GPC6: variants seen among roughly 807,000 people sequenced by gnomAD.
GPC6 encodes the protein glypican 6.
In GPC6, 14 loss-of-function variants were observed where a neutral mutation model predicts 55.2. The observed-to-expected ratio is 0.25, with a 90% confidence interval of 0.17 to 0.40. The LOEUF (loss-of-function observed/expected upper bound fraction) is 0.40, where lower values mean the gene tolerates loss of function less well. Ranked by LOEUF, GPC6 falls within the 10% of genes least tolerant of loss-of-function variation. GPC6 has a pLI of 1.00. For missense variants in GPC6, 641 were observed against 708.5 expected (o/e 0.90, Z 1.08); for synonymous variants, 278 against 259.6 (o/e 1.07, Z -0.68).
chr13:93,916,310 A>G (rs1043138350), intron 3 of GPC6, among the ~76,000 whole-genome samples: 1 of 152,162 alleles, frequency 6.6e-6, no homozygotes, highest in Non-Finnish European at 1.5e-5. Flanking sequence ...ACTGTTTGTT[A>G]CAGGCATAAA....
rs74590273 is a variant in GPC6, at chr13:93,591,912, T to C, written c.319+46491T>C. Among the ~76,000 whole-genome samples the C allele has an allele frequency of 1.9e-3, 294 of 152,314 alleles. 5 individuals are homozygous for C. The East Asian group carries it at 0.032, about 17-fold the overall frequency. On this transcript the variant is annotated intron_variant, in intron 2 of 8. Coordinates refer to ENST00000377047, the MANE Select transcript of GPC6 (RefSeq NM_005708.5). The stretch of plus-strand genomic sequence containing the variant: ...TTGAGGACTAAATATGGGCCAATTA[T>C]TTCATATTGTATTTTGGGTTGAGTT...
chr13:93,859,258 C>A (rs554763879), intron 3 of GPC6, among the ~76,000 whole-genome samples: 2 of 151,524 alleles, frequency 1.3e-5, no homozygotes, highest in African/African-American at 2.4e-5. Context: ...AATGTATCCA[C>A]GTACCATTTT....
At chr13:94,262,675 A>G (rs1441544193) in intron 4 of GPC6, among the ~76,000 whole-genome samples, 10 of 89,066 alleles carry the variant, frequency 1.1e-4, no homozygotes, top group Admixed American at 3.4e-4. Flanking sequence ...TCCGTCTCAG[A>G]AAAAAAAAAA....
intron 6 of GPC6, among the ~76,000 whole-genome samples, chr13:94,359,685 G>A (rs1878965946): frequency 6.6e-6 from 1 of 151,432 alleles, no homozygotes; most frequent in African/African-American, 2.4e-5. Flanking sequence ...AAGAGATAAA[G>A]GCTATTTTCT....
rs115767370 is a variant in GPC6, at chr13:94,243,792, A to G, written c.878-42557A>G. ...TTTTGGTTCATCATTTATCCTGTGC[A>G]GACAGATAGCTGCTAGTCTACCTCA... On this transcript the variant is annotated intron_variant, in intron 4 of 8. Transcript: ENST00000377047. Among the ~76,000 whole-genome samples, 485 of 152,270 alleles carry G rather than the reference A, an allele frequency of 3.2e-3. 2 individuals are homozygous for G. The highest frequency in any genetic ancestry group is 0.011 in the African/African-American group (459 of 41,564).
chr13:93,283,954 C>G (rs1415751980), intron 1 of GPC6, among the ~76,000 whole-genome samples: 1 of 152,114 alleles, frequency 6.6e-6, no homozygotes, highest in Non-Finnish European at 1.5e-5. Flanking sequence ...TTGGAAAACT[C>G]ACAAAGTGGA....
intron 3 of GPC6, among the ~76,000 whole-genome samples, chr13:94,016,978 G>A (rs1485130572): frequency 6.6e-6 from 1 of 152,012 alleles, no homozygotes; most frequent in Non-Finnish European, 1.5e-5. Context: ...GGGATTACAG[G>A]TGCCCGCCAC....
At chr13:93,846,379 A>G (rs931516081) in intron 3 of GPC6, among the ~76,000 whole-genome samples, 2 of 152,220 alleles carry the variant, frequency 1.3e-5, no homozygotes, top group African/African-American at 4.8e-5. Context: ...GCAGAATGAC[A>G]CAGAGCCTAT....
intron 3 of GPC6, among the ~76,000 whole-genome samples, chr13:93,965,996 A>G (rs1880023256): frequency 1.3e-5 from 2 of 152,168 alleles, no homozygotes; most frequent in Admixed American, 6.5e-5. Flanking sequence ...ATCTCCTGCC[A>G]TGACCACAGG....
intron 1 of GPC6, among the ~76,000 whole-genome samples, chr13:93,384,579 A>C (rs1875320709): frequency 6.6e-6 from 1 of 152,220 alleles, no homozygotes; most frequent in Non-Finnish European, 1.5e-5. Context: ...AAAGTAATGC[A>C]CTAGAAGAAA....
chr13:93,407,869 C>T (rs2030944037), intron 1 of GPC6, among the ~76,000 whole-genome samples: 1 of 152,148 alleles, frequency 6.6e-6, no homozygotes, highest in Non-Finnish European at 1.5e-5. Context: ...AATTTCCTAA[C>T]TGCAAAGGGT....
At chr13:93,950,353 G>T (rs1444661900) in intron 3 of GPC6, among the ~76,000 whole-genome samples, 1 of 152,068 alleles carries the variant, frequency 6.6e-6, no homozygotes, top group Non-Finnish European at 1.5e-5. Flanking sequence ...TTAGGAGAAA[G>T]GGTACCTATT....
At chr13:93,256,789 A>G (rs9584096) in intron 1 of GPC6, among the ~76,000 whole-genome samples, 2,040 of 152,228 alleles carry the variant, frequency 0.013, 51 homozygotes, top group African/African-American at 0.047. Flanking sequence ...CTTGGCCCTC[A>G]AGGAGCTTAC....
intron 6 of GPC6, among the ~76,000 whole-genome samples, chr13:94,370,208 A>C (rs182482673): frequency 9.2e-4 from 140 of 152,366 alleles, no homozygotes; most frequent in African/African-American, 3.2e-3. Flanking sequence ...GGTGAAACTT[A>C]TTAATTATTC....
intron 1 of GPC6, among the ~76,000 whole-genome samples, chr13:93,324,900 T>G (rs1879599148): frequency 6.6e-6 from 1 of 152,046 alleles, no homozygotes; most frequent in Non-Finnish European, 1.5e-5. Context: ...TTTATGCTGT[T>G]TTTAGGCCCC....
At chr13:93,670,631 A>G (rs1232424809) in intron 2 of GPC6, among the ~76,000 whole-genome samples, 1 of 152,212 alleles carries the variant, frequency 6.6e-6, no homozygotes, top group African/African-American at 2.4e-5. Flanking sequence ...AATAATCAGT[A>G]TGAAAGCAAT....
intron 4 of GPC6, among the ~76,000 whole-genome samples, chr13:94,042,703 GT>G (rs1883583981): frequency 6.6e-6 from 1 of 151,802 alleles, no homozygotes; most frequent in Non-Finnish European, 1.5e-5. Context: ...TTGGTGATAT[GT>G]TTTTTAGGGA....
At chr13:93,844,280 A>T (rs1379930733) in intron 3 of GPC6, among the ~76,000 whole-genome samples, 1 of 152,116 alleles carries the variant, frequency 6.6e-6, no homozygotes, top group African/African-American at 2.4e-5. Context: ...CTGGGACTAC[A>T]GGCATGCACC....
At chr13:94,259,968 T>C (rs1482308274) in intron 4 of GPC6, among the ~76,000 whole-genome samples, 1 of 152,186 alleles carries the variant, frequency 6.6e-6, no homozygotes, top group Non-Finnish European at 1.5e-5. Context: ...GTGTTCTACT[T>C]TTTGGCTATT....
Sources: gnomAD v4.1 joint callset for allele counts (sites outside exome capture counted in the v4.1 genomes callset) on GRCh38, gnomAD v4.1.1 for gene constraint, MANE v1.5 for transcripts, NCBI Gene and HGNC (gene_info 2026-07-23, HGNC 2026-07-21) for gene names.